SOX6: variants seen among roughly 807,000 people sequenced by gnomAD.
The protein encoded by SOX6 is transcription factor SOX-6.
In SOX6, 11 loss-of-function variants were observed where a neutral mutation model predicts 97.8. That is an observed-to-expected ratio of 0.11 (90% confidence interval 0.07 to 0.19). The LOEUF (loss-of-function observed/expected upper bound fraction) is 0.19, where lower values mean the gene tolerates loss of function less well. Ranked by LOEUF, SOX6 falls within the 10% of genes least tolerant of loss-of-function variation. The pLI, the probability that SOX6 is intolerant of heterozygous loss-of-function variation, is 1.00. For missense variants in SOX6, 810 were observed against 1,039.5 expected (o/e 0.78, Z 3.04); for synonymous variants, 360 against 371.4 (o/e 0.97, Z 0.35).
intron 4 of SOX6, among the ~76,000 whole-genome samples, chr11:16,579,602 C>G (rs1161365905): frequency 1.3e-5 from 2 of 152,066 alleles, no homozygotes; most frequent in Non-Finnish European, 2.9e-5. Flanking sequence ...CATATAATGT[C>G]TGTGAAAATC....
intron 7 of SOX6, among the ~76,000 whole-genome samples, chr11:16,101,545 C>T (rs1848947086): frequency 6.6e-6 from 1 of 151,660 alleles, no homozygotes; most frequent in African/African-American, 2.4e-5. Flanking sequence ...ACCTTACTTT[C>T]TTCACTTATT....
chr11:16,466,699 G>A (rs1226773183), intron 1 of SOX6, among the ~76,000 whole-genome samples: 1 of 150,760 alleles, frequency 6.6e-6, no homozygotes, highest in African/African-American at 2.4e-5. Flanking sequence ...GGGAGGCCGA[G>A]GCAGGCGGAT....
intron 1 of SOX6, among the ~76,000 whole-genome samples, chr11:16,347,891 T>G (rs2134352001): frequency 6.6e-6 from 1 of 152,158 alleles, no homozygotes; most frequent in South Asian, 2.1e-4. Flanking sequence ...ATAAAGAAAC[T>G]AATCTCTGAG....
At chr11:16,132,266 A>AAGGAAG (rs1849764632) in intron 6 of SOX6, among the ~76,000 whole-genome samples, 1 of 38,242 alleles carries the variant, frequency 2.6e-5, no homozygotes, top group African/African-American at 1.1e-4. Flanking sequence ...AAAGAAAGAA[A>AAGGAAG]GAAGGAAGGA....
At chr11:16,437,013 T>G (rs948468740) in intron 1 of SOX6, among the ~76,000 whole-genome samples, 1 of 151,944 alleles carries the variant, frequency 6.6e-6, no homozygotes, top group African/African-American at 2.4e-5. Context: ...TCCCAGCACT[T>G]TGGGAGGCCA....
At chr11:16,475,212 AT>A (rs1860219474) in intron 1 of SOX6, among the ~76,000 whole-genome samples, 1 of 152,122 alleles carries the variant, frequency 6.6e-6, no homozygotes, top group Admixed American at 6.5e-5. Context: ...CAATAAGGCT[AT>A]TTTGCTTTCT....
At chr11:16,111,766 G>A (rs1849235336) in intron 7 of SOX6, 37 bp downstream of exon 7, 3 of 1,611,810 alleles carry the variant, frequency 1.9e-6, no homozygotes, top group Non-Finnish European at 2.5e-6. Flanking sequence ...GCAGATCTGA[G>A]CATTTGGAAA....
At chr11:16,253,857 G>T (rs1269017061) in intron 3 of SOX6, among the ~76,000 whole-genome samples, 1 of 151,956 alleles carries the variant, frequency 6.6e-6, no homozygotes, top group Non-Finnish European at 1.5e-5. Flanking sequence ...AAACCACACA[G>T]ATCCAGGAGG....
At chr11:16,144,539 C>CA (rs1368636847) in intron 6 of SOX6, among the ~76,000 whole-genome samples, 1 of 151,998 alleles carries the variant, frequency 6.6e-6, no homozygotes, top group Admixed American at 6.6e-5. Flanking sequence ...AAAGACCCTT[C>CA]AAAAAATCAA....
At chr11:16,290,131 C>T (rs185479275) in intron 3 of SOX6, among the ~76,000 whole-genome samples, 2 of 152,054 alleles carry the variant, frequency 1.3e-5, no homozygotes, top group East Asian at 3.9e-4. Context: ...TACTGTCTCT[C>T]AGACTATCAA....
At chr11:16,278,819 T>C (rs1005291718) in intron 3 of SOX6, among the ~76,000 whole-genome samples, 1 of 151,952 alleles carries the variant, frequency 6.6e-6, no homozygotes, top group Non-Finnish European at 1.5e-5. Context: ...TAGACCTAGA[T>C]CTAATGGGGT....
chr11:15,979,595 A>G (rs1056582606), intron 15 of SOX6, among the ~76,000 whole-genome samples: 1 of 152,100 alleles, frequency 6.6e-6, no homozygotes, highest in African/African-American at 2.4e-5. Flanking sequence ...ATGGCTTAAA[A>G]GTCTTTTCTA....
chr11:15,972,656 GA>G lies in SOX6; in HGVS notation c.*152del, dbSNP rs575067443. ...AAACTCAAGTTCATGAAAAATCAGG[GA>G]AAACTTAATCTGTCTCACACTTTAC... On this transcript the variant is annotated 3_prime_UTR_variant, in exon 16 of 16. Coordinates refer to ENST00000683767, the MANE Select transcript of SOX6 (RefSeq NM_001367873.1). 733 of 791,460 alleles carry G rather than the reference GA, an allele frequency of 9.3e-4. No homozygotes were observed. The highest frequency in any genetic ancestry group is 1.3e-3 in the Non-Finnish European group (637 of 500,724). 49.0% of individuals were successfully genotyped at this position (791,460 alleles called of 1,614,324 possible).
chr11:16,437,022 C>T lies in SOX6; in HGVS notation c.-5+39293G>A, dbSNP rs143251835. 3.3e-5 allele frequency among the ~76,000 whole-genome samples: 5 copies of T among 151,568 alleles called. No homozygotes were observed. The East Asian group carries it at 9.7e-4, about 30-fold the overall frequency. ...CTGTAATCCCAGCACTTTGGGAGGC[C>T]AAGGTGGGAGGATTGTTCAAGGCCA... is the stretch of plus-strand genomic sequence containing the variant. On this transcript the variant is annotated intron_variant, in intron 1 of 15. Transcript: ENST00000396356.
chr11:16,107,294 T>G (rs911771095), intron 7 of SOX6, among the ~76,000 whole-genome samples: 2 of 151,130 alleles, frequency 1.3e-5, no homozygotes, highest in Non-Finnish European at 3.0e-5. Context: ...TATAACCATA[T>G]TCACAGAAGT....
chr11:16,014,987 G>T lies in SOX6; in HGVS notation c.1687C>A (p.Leu563Met). 1 of 1,613,006 alleles carries T rather than the reference G, an allele frequency of 6.2e-7. No individual in the cohort carries two copies. Among genetic ancestry groups the T allele is most frequent in the Non-Finnish European group, 8.5e-7 (1 of 1,179,382 alleles). The change falls in exon 13 of 16, where the codon CTG (leucine) becomes ATG (methionine). Residue 563 changes from leucine to methionine, a missense_variant. Transcript: ENST00000683767. ...LTGKSNEDGK[L>M]GPGVIDLTRP... ...GTAAGGTCGATGACACCTGGGCCCA[G>T]TTTTCCATCTTCATTTGACTTTCCC...
At chr11:16,583,603 G>GTATATATATACATATATATATATATATA (rs1848052139) in intron 4 of SOX6, among the ~76,000 whole-genome samples, 3 of 22,674 alleles carry the variant, frequency 1.3e-4, no homozygotes, top group Admixed American at 6.0e-4. Flanking sequence ...GTATATATGT[G>GTATATATATACATATATATATATATATA]TATATATATA....
intron 3 of SOX6, among the ~76,000 whole-genome samples, chr11:16,305,628 T>G (rs1386631442): frequency 6.6e-6 from 1 of 152,206 alleles, no homozygotes; most frequent in East Asian, 1.9e-4. Context: ...TTTGTAATAG[T>G]CAAAAACTGG....
rs372799196 is a variant in SOX6, at chr11:16,155,553, A to G, written c.777+28333T>C. ...GTTGTTTAACCTCTGTTAAGCCTCC[A>G]TTTTCTCAGTGGCAAACAGTATTAT... On this transcript the variant is annotated intron_variant, in intron 6 of 15. Transcript: ENST00000683767. Among the ~76,000 whole-genome samples the G allele has an allele frequency of 2.0e-5, 3 of 151,754 alleles. No individual in the cohort carries two copies. In the East Asian group the frequency reaches 5.8e-4, roughly 29 times the overall value.
Sources: allele counts gnomAD v4.1 joint callset (sites outside exome capture counted in the v4.1 genomes callset), GRCh38; gene constraint gnomAD v4.1.1; transcripts MANE v1.5; gene names NCBI Gene and HGNC (gene_info 2026-07-23, HGNC 2026-07-21).